Variants in ZBTB21 observed in about 807,000 individuals in gnomAD.
ZBTB21 encodes the protein zinc finger and BTB domain-containing protein 21.
ZBTB21 carries 10 observed loss-of-function variants against 39.8 expected under a neutral mutation model. The observed-to-expected ratio is 0.25, with a 90% CI of 0.16 to 0.43. The LOEUF (loss-of-function observed/expected upper bound fraction) is 0.43, where lower values mean the gene tolerates loss of function less well. ZBTB21 is among the 20% of genes least tolerant of loss of function. The pLI, the probability that ZBTB21 is intolerant of heterozygous loss-of-function variation, is 1.00. For synonymous variants in ZBTB21, 551 were observed against 498.8 expected (o/e 1.10, Z -1.40); for missense variants, 1,221 against 1,296.3 (o/e 0.94, Z 0.89).
intron 1 of ZBTB21, among the ~76,000 whole-genome samples, chr21:42,007,557 C>A (rs2065894456): frequency 6.6e-6 from 1 of 152,102 alleles, no homozygotes; most frequent in Non-Finnish European, 1.5e-5. Context: ...TGAAATGTCA[C>A]CGACTCTACA....
intron 1 of ZBTB21, among the ~76,000 whole-genome samples, chr21:42,005,152 A>G (rs1333206239): frequency 6.6e-6 from 1 of 152,240 alleles, no homozygotes; most frequent in African/African-American, 2.4e-5. Context: ...GCACCTTAGC[A>G]GAGCAGACTC....
chr21:41,991,135 C>T lies in ZBTB21; in HGVS notation c.2961G>A (p.Leu987=), dbSNP rs1314650359. ...VPTNSPSPPP[L]PPPPPLPKIQ... ...TCTTGGGCAGTGGTGGTGGCGGTGG[C>T]AGAGGTGGTGGAGAGGGAGAGTTTG... The change falls in exon 3 of 3, where the codon CTG becomes CTA. Residue 987 remains leucine (L), a synonymous_variant. Coordinates refer to ENST00000310826, the MANE Select transcript of ZBTB21 (RefSeq NM_001098402.2). This position sits in a 1 kb window ranked among gnomAD's most constrained non-coding sequence, Gnocchi z 4.9. 1 of 1,613,684 alleles carries T rather than the reference C, an allele frequency of 6.2e-7. No individual in the cohort carries two copies. Among genetic ancestry groups the T allele is most frequent in the African/African-American group, 1.3e-5 (1 of 74,866 alleles).
Position 41,991,868 on chromosome 21 carries a change from A to T in ZBTB21, c.2228T>A (p.Leu743Gln). ...SLLEQGSHER[L>Q]CRNAAVCPYC... ...AGGGCAGACGGCCGCGTTCCGGCAC[A>T]GCCGCTCGTGGCTTCCTTGCTCTAG... The change falls in exon 3 of 3, where the codon CTG becomes CAG. Residue 743 changes from leucine to glutamine, a missense_variant. This residue lies in a region of ZBTB21 where 523 missense variants were observed against 542.5 expected (regional missense o/e 0.96). Coordinates refer to ENST00000310826, the MANE Select transcript of ZBTB21 (RefSeq NM_001098402.2). The surrounding 1 kb of genome is among the most constrained non-coding windows in gnomAD (Gnocchi z 4.9). 1.2e-6 allele frequency: 2 copies of T among 1,614,226 alleles called. No homozygotes were observed. Among genetic ancestry groups the T allele is most frequent in the Non-Finnish European group, 1.7e-6 (2 of 1,180,050 alleles).
chr21:42,001,139 A>C (rs1471548405), intron 2 of ZBTB21, among the ~76,000 whole-genome samples: 1 of 152,224 alleles, frequency 6.6e-6, no homozygotes, highest in East Asian at 1.9e-4. Context: ...GCTCAACGTC[A>C]TAGAGATAAG....
intron 1 of ZBTB21, among the ~76,000 whole-genome samples, chr21:42,003,635 C>G (rs898814718): frequency 1.2e-4 from 18 of 152,174 alleles, no homozygotes; most frequent in African/African-American, 4.3e-4. Flanking sequence ...AAAGGAAAGG[C>G]TCATTAGAGC....
intron 1 of ZBTB21, among the ~76,000 whole-genome samples, chr21:42,004,673 C>T (rs575117896): frequency 8.5e-5 from 13 of 152,176 alleles, no homozygotes; most frequent in Non-Finnish European, 1.6e-4. Flanking sequence ...TAGATTTCAA[C>T]TCTGGGAACA....
At position 41,987,511 on chromosome 21, in the gene ZBTB21, G is replaced by A. The variant is rs1363070289; in HGVS notation, c.*3384C>T. The A allele has an allele frequency of 1.3e-5, 2 of 152,180 alleles. No individual in the cohort carries two copies. Among genetic ancestry groups the A allele is most frequent in the African/African-American group, 2.4e-5 (1 of 41,430 alleles). 9.4% of individuals were successfully genotyped at this position (152,180 alleles called of 1,614,324 possible). A position where few individuals can be genotyped will look rare whatever the true frequency, so the allele number is the denominator to read the frequency against. ...GTTAAAGAACACTTTTAAAGAGTACGTGTCAGCATTATTTAAATCAATAAT... is the reference window on the plus strand; with the variant it reads ...GTTAAAGAACACTTTTAAAGAGTACATGTCAGCATTATTTAAATCAATAAT... On this transcript the variant is annotated 3_prime_UTR_variant, in exon 3 of 3. Transcript: ENST00000310826.
At chr21:42,003,968 T>C (rs992771828) in intron 1 of ZBTB21, among the ~76,000 whole-genome samples, 1 of 151,254 alleles carries the variant, frequency 6.6e-6, no homozygotes, top group South Asian at 2.1e-4. Context: ...CCTCAGGTAA[T>C]AAATGCTAAG....
At chr21:42,006,098 A>C (rs1018373340) in intron 1 of ZBTB21, among the ~76,000 whole-genome samples, 2 of 152,208 alleles carry the variant, frequency 1.3e-5, no homozygotes, top group African/African-American at 4.8e-5. Context: ...AGGTCTCTAT[A>C]AAATCTGGTT....
At chr21:42,006,059 T>C (rs146476046) in intron 1 of ZBTB21, among the ~76,000 whole-genome samples, 1 of 152,332 alleles carries the variant, frequency 6.6e-6, no homozygotes, top group African/African-American at 2.4e-5. Context: ...TGTTCTCCAT[T>C]AGGCTAAAAT....
Position 41,992,796 on chromosome 21 carries a change from T to C in ZBTB21, c.1300A>G (p.Ser434Gly). 1.2e-6 allele frequency: 2 copies of C among 1,614,156 alleles called. No individual in the cohort carries two copies. Among genetic ancestry groups the C allele is most frequent in the Non-Finnish European group, 1.7e-6 (2 of 1,180,038 alleles). The part of the protein sequence containing the change: ...VTEVRIKTEP[S>G]SPLSDPSDII... Reference sequence around the variant, plus strand: ...TCCGAGGGGTCCGACAGCGGGCTGCTGGGCTCAGTCTTTATGCGCACCTCA... The same window carrying C: ...TCCGAGGGGTCCGACAGCGGGCTGCCGGGCTCAGTCTTTATGCGCACCTCA... The change falls in exon 3 of 3, where the codon AGC becomes GGC. Residue 434 changes from serine (S) to glycine (G), a missense_variant. This residue lies in a region of ZBTB21 where 500 missense variants were observed against 465.6 expected (regional missense o/e 1.07). Coordinates refer to ENST00000310826, the MANE Select transcript of ZBTB21 (RefSeq NM_001098402.2). This position sits in a 1 kb window ranked among gnomAD's most constrained non-coding sequence, Gnocchi z 4.1.
chr21:41,989,988 A>G lies in ZBTB21; in HGVS notation c.*907T>C, dbSNP rs1249523841. On this transcript the variant is annotated 3_prime_UTR_variant, in exon 3 of 3. Transcript: ENST00000310826. ...ATGTTAAAATCAAAATTAGTGCCAT[A>G]TGGTTAGCTTTGTTTTTTGTCCTAA... is the stretch of plus-strand genomic sequence containing the variant. 6.6e-6 allele frequency: 1 copy of G among 152,178 alleles called. No individual in the cohort carries two copies. The highest frequency in any genetic ancestry group is 1.5e-5 in the Non-Finnish European group (1 of 68,016). 9.4% of individuals were successfully genotyped at this position (152,178 alleles called of 1,614,324 possible).
In ZBTB21 at chr21:41,991,621, C is replaced by A; in HGVS notation, c.2475G>T (p.Arg825Ser). The A allele has an allele frequency of 1.9e-6, 3 of 1,614,076 alleles. No homozygotes were observed. Among genetic ancestry groups the A allele is most frequent in the Non-Finnish European group, 1.7e-6 (2 of 1,180,026 alleles). ...DHNGDVTGSS[R>S]PQSQPEPNKV... ...TGTTGGGCTCAGGCTGGGATTGGGG[C>A]CTTGAAGAACCAGTCACATCACCAT... is the stretch of plus-strand genomic sequence containing the variant. The change falls in exon 3 of 3, where the codon AGG becomes AGT. Residue 825 changes from arginine (R) to serine (S), a missense_variant. Physicochemically the swap from Arg to Ser is moderately radical, Grantham distance 110. Coordinates refer to ENST00000310826, the MANE Select transcript of ZBTB21 (RefSeq NM_001098402.2). This position sits in a 1 kb window ranked among gnomAD's most constrained non-coding sequence, Gnocchi z 4.9.
chr21:41,993,671 T>C lies in ZBTB21; in HGVS notation c.425A>G (p.Asn142Ser), dbSNP rs1250679193. ...RKKVFVEDDENSSQKRSVIVC... is the reference protein window; with the variant it reads ...RKKVFVEDDESSSQKRSVIVC... ...AATGACACTTCTCTTTTGAGAACTG[T>C]TTTCATCATCTTCTACAAACACTTT... is the stretch of plus-strand genomic sequence containing the variant. The change falls in exon 3 of 3, where the codon AAC becomes AGC. Residue 142 changes from asparagine (N) to serine (S), a missense_variant. By Grantham distance (46) the Asn-to-Ser change is conservative (BLOSUM62 1). Around this residue, in one of 4 missense-constraint regions of ZBTB21, gnomAD observed 500 missense variants for 465.6 expected, o/e 1.07. Coordinates refer to ENST00000310826, the MANE Select transcript of ZBTB21 (RefSeq NM_001098402.2). 6.2e-7 allele frequency: 1 copy of C among 1,614,174 alleles called. No homozygotes were observed. Among genetic ancestry groups the C allele is most frequent in the Non-Finnish European group, 8.5e-7 (1 of 1,180,026 alleles).
At chr21:41,998,779 G>A (rs140591960) in intron 2 of ZBTB21, among the ~76,000 whole-genome samples, 1,684 of 152,214 alleles carry the variant, frequency 0.011, 23 homozygotes, top group Non-Finnish European at 0.017. Context: ...GATAAGATGC[G>A]ACTCAATTTA....
Position 41,992,594 on chromosome 21 carries a change from T to G in ZBTB21, c.1502A>C (p.Glu501Ala), listed in dbSNP as rs779062134. 1.2e-6 allele frequency: 2 copies of G among 1,614,106 alleles called. No individual in the cohort carries two copies. The highest frequency in any genetic ancestry group is 1.7e-6 in the Non-Finnish European group (2 of 1,180,046). ...ATCTTCTGACACAGGAGACCCGTGC[T>G]CATTCACCTTTAACTTCTTAAACGG... ...RLPFKKLKVN[E>A]HGSPVSEDNF... Residue 501 changes from glutamate (E) to alanine (A), a missense_variant, in exon 3 of 3, where the codon GAG becomes GCG. By Grantham distance (107) the Glu-to-Ala change is moderately radical. Transcript: ENST00000310826. The surrounding 1 kb of genome is among the most constrained non-coding windows in gnomAD (Gnocchi z 4.1).
At position 41,992,355 on chromosome 21, in the gene ZBTB21, G is replaced by A. The variant is rs769094396; in HGVS notation, c.1741C>T (p.His581Tyr). 10 of 1,614,210 alleles carry A rather than the reference G, an allele frequency of 6.2e-6. No individual in the cohort carries two copies. The highest frequency in any genetic ancestry group is 2.2e-5 in the South Asian group (2 of 91,062). Residue 581 changes from histidine to tyrosine, a missense_variant, in exon 3 of 3, where the codon CAC becomes TAC. By Grantham distance (83) the His-to-Tyr change is moderately conservative. Coordinates refer to ENST00000310826, the MANE Select transcript of ZBTB21 (RefSeq NM_001098402.2). The surrounding 1 kb of genome is among the most constrained non-coding windows in gnomAD (Gnocchi z 4.1). The stretch of plus-strand genomic sequence containing the variant: ...TTGAAGTTGGTGTGAAACCTCTTGT[G>A]ACAGATGTCACAAGCGTAGGGCTTT... ...PEKPYACDIC[H>Y]KRFHTNFKVW...
intron 1 of ZBTB21, among the ~76,000 whole-genome samples, chr21:42,009,808 G>A (rs2065936432): frequency 6.6e-6 from 1 of 151,970 alleles, no homozygotes; most frequent in Non-Finnish European, 1.5e-5. Flanking sequence ...CGCACACCCC[G>A]CGGCCCGGGC....
intron 1 of ZBTB21, among the ~76,000 whole-genome samples, chr21:42,004,750 T>C (rs1267100156): frequency 6.6e-6 from 1 of 152,160 alleles, no homozygotes; most frequent in Non-Finnish European, 1.5e-5. Context: ...AAAGAGGGAA[T>C]GCATGTAACA....
Sources: allele counts gnomAD v4.1 joint callset (sites outside exome capture counted in the v4.1 genomes callset), GRCh38; gene constraint gnomAD v4.1.1; regional missense constraint gnomAD v4.1.1; non-coding constraint Gnocchi (gnomAD v3.1); transcripts MANE v1.5; gene names NCBI Gene and HGNC (gene_info 2026-07-23, HGNC 2026-07-21).